INPP5B: variants seen among roughly 807,000 people sequenced by gnomAD.
INPP5B encodes the protein type II inositol 1,4,5-trisphosphate 5-phosphatase.
A neutral mutation model predicts 118.5 loss-of-function variants in INPP5B; 90 were observed. That is an observed-to-expected ratio of 0.76 (90% CI 0.64 to 0.90). The LOEUF is 0.90. Ranked by LOEUF, INPP5B falls within the 40% of genes least tolerant of loss-of-function variation. The pLI is 0.00. For synonymous variants in INPP5B, 385 were observed against 418.9 expected (o/e 0.92, Z 0.99); for missense variants, 984 against 1,125.6 (o/e 0.87, Z 1.80).
chr1:37,931,825 A>G (rs1345783568), intron 7 of INPP5B, 88 bp downstream of exon 7: 2 of 1,609,090 alleles, frequency 1.2e-6, no homozygotes, highest in Admixed American at 1.7e-5. Flanking sequence ...TGTCTTCTCC[A>G]TCGCTCCGCC....
At position 37,874,108 on chromosome 1, in the gene INPP5B, A is replaced by G; in HGVS notation, c.1836T>C (p.Phe612=). 6.2e-7 allele frequency: 1 copy of G among 1,600,048 alleles called. No individual in the cohort carries two copies. The highest frequency in any genetic ancestry group is 8.6e-7 in the Non-Finnish European group (1 of 1,169,544). ...AGGGTACTTGTCCATTATGAATTGT[A>G]AAGGATTCTACTTTCAATTGCATGT... The part of the protein sequence containing the change: ...VKYMQLKVES[F]TIHNGQVPCH... Residue 612 remains phenylalanine (F), a synonymous_variant, in exon 18 of 24, where the codon TTT becomes TTC. Coordinates refer to ENST00000373024, the MANE Select transcript of INPP5B (RefSeq NM_005540.3).
intron 6 of INPP5B, among the ~76,000 whole-genome samples, chr1:37,938,744 T>C (rs1035682419): frequency 1.3e-5 from 2 of 152,198 alleles, no homozygotes; most frequent in Non-Finnish European, 2.9e-5. Flanking sequence ...AGAGATAAAT[T>C]TCCCCCTGCT....
At chr1:37,914,631 A>G (rs142123754) in intron 7 of INPP5B, among the ~76,000 whole-genome samples, 2 of 152,220 alleles carry the variant, frequency 1.3e-5, no homozygotes, top group East Asian at 3.9e-4. Context: ...CTACAAACTC[A>G]TCCTTCAAGA....
rs115399195 is a variant in INPP5B, at chr1:37,866,138, C to G, written c.2387-250G>C. On this transcript the variant is annotated intron_variant, in intron 21 of 23. Coordinates refer to ENST00000373024, the MANE Select transcript of INPP5B (RefSeq NM_005540.3). ...GCAACATGGCGAAACCCTGCCTCTA[C>G]GAAAAGTTCAAAAATTAGCCAAGTG... 9.3e-3 allele frequency among the ~76,000 whole-genome samples: 1,419 copies of G among 152,162 alleles called. 20 individuals are homozygous for G. Among genetic ancestry groups the G allele is most frequent in the African/African-American group, 0.032 (1,334 of 41,504 alleles).
At chr1:37,943,453 C>T (rs1318067482) in intron 5 of INPP5B, among the ~76,000 whole-genome samples, 187 bp downstream of exon 5, 9 of 151,862 alleles carry the variant, frequency 5.9e-5, no homozygotes, top group Non-Finnish European at 8.8e-5. Flanking sequence ...TCGGGGGAGA[C>T]GGAAACAGCA....
At chr1:37,864,453 T>C in intron 22 of INPP5B, 30 bp from the exon 23 acceptor site, 1 of 1,302,634 alleles carries the variant, frequency 7.7e-7, no homozygotes, top group Non-Finnish European at 1.1e-6. Flanking sequence ...GATTTGTCTT[T>C]TGTTCACTGA....
At chr1:37,866,610 G>A (rs1557615627) in intron 20 of INPP5B, 67 bp from the exon 21 acceptor site, 2 of 949,200 alleles carry the variant, frequency 2.1e-6, no homozygotes, top group South Asian at 2.7e-5. Flanking sequence ...TTCCTGACCT[G>A]GCAATATCAA....
At position 37,895,961 on chromosome 1, in the gene INPP5B, C is replaced by T. The variant is rs1324970916; in HGVS notation, c.533-4507G>A. On this transcript the variant is annotated intron_variant, in intron 7 of 23. Coordinates refer to ENST00000373024, the MANE Select transcript of INPP5B (RefSeq NM_005540.3). Reference sequence around the variant, plus strand: ...CCGTCTGGGAAGTGAGGAGCGTCTCCGCCTGGCCGCCCATCGTCTGGGATG... The same window carrying T: ...CCGTCTGGGAAGTGAGGAGCGTCTCTGCCTGGCCGCCCATCGTCTGGGATG... Among the ~76,000 whole-genome samples the T allele has an allele frequency of 2.0e-3, 306 of 150,844 alleles. 2 individuals carry two copies. Among genetic ancestry groups the T allele is most frequent in the African/African-American group, 7.0e-3 (287 of 41,030 alleles).
At chr1:37,867,016 G>A (rs145527060) in intron 20 of INPP5B, among the ~76,000 whole-genome samples, 175 of 152,232 alleles carry the variant, frequency 1.1e-3, no homozygotes, top group African/African-American at 4.0e-3. Flanking sequence ...GGTGGATCAC[G>A]AGGTCAGGAG....
At chr1:37,921,268 C>T (rs1475631583) in intron 7 of INPP5B, among the ~76,000 whole-genome samples, 1 of 152,110 alleles carries the variant, frequency 6.6e-6, no homozygotes, top group Non-Finnish European at 1.5e-5. Context: ...ACTTCAAACG[C>T]CATGTAGAGT....
chr1:37,946,868 T>A (rs1308072752), intron 1 of INPP5B, 122 bp downstream of exon 1: 1 of 153,346 alleles, frequency 6.5e-6, no homozygotes. Context: ...GCCCATTGCA[T>A]CAGCTGCAGG....
Position 37,868,475 on chromosome 1 carries a change from G to T in INPP5B, c.2301+26C>A. The T allele has an allele frequency of 2.0e-6, 3 of 1,513,336 alleles. No individual in the cohort carries two copies. The African/African-American group carries it at 4.1e-5, about 21-fold the overall frequency. The allele number at this position is 1,513,336 out of a possible 1,614,324, so 93.7% of individuals were successfully genotyped here. A position where few individuals can be genotyped will look rare whatever the true frequency, so the allele number is the denominator to read the frequency against. On this transcript the variant is annotated intron_variant, in intron 20 of 23. Transcript: ENST00000373024. ...CCTCAAGGCAGCCTGGCCTCAATCAGGTCTGAATGCTTAAACACAACCTAC... is the reference window on the plus strand; with the variant it reads ...CCTCAAGGCAGCCTGGCCTCAATCATGTCTGAATGCTTAAACACAACCTAC...
chr1:37,881,378 T>C (rs1294659425), intron 14 of INPP5B, among the ~76,000 whole-genome samples: 1 of 152,154 alleles, frequency 6.6e-6, no homozygotes, highest in African/African-American at 2.4e-5. Context: ...AGGAGCGCCT[T>C]CCAGATCACA....
At chr1:37,897,033 C>T (rs1223694514) in intron 7 of INPP5B, among the ~76,000 whole-genome samples, 1 of 141,214 alleles carries the variant, frequency 7.1e-6, no homozygotes, top group Non-Finnish European at 1.5e-5. Context: ...AGGTGAGGGG[C>T]ACCTCTGCCC....
chr1:37,917,308 TTATATATATATATATATATA>T (rs368327131), intron 7 of INPP5B, among the ~76,000 whole-genome samples: 3 of 92,796 alleles, frequency 3.2e-5, no homozygotes, highest in Non-Finnish European at 6.1e-5. Context: ...AAAAAAATAA[TTATATATATATATATATATA>T]TATATATATA....
At chr1:37,884,217 C>T (rs984248736) in intron 13 of INPP5B, 8 of 152,088 alleles carry the variant, frequency 5.3e-5, no homozygotes, top group Admixed American at 1.3e-4. Context: ...TAAAATAAAT[C>T]TTTAAAAAAA....
intron 6 of INPP5B, among the ~76,000 whole-genome samples, chr1:37,932,568 C>T (rs931062787): frequency 4.6e-5 from 7 of 151,962 alleles, no homozygotes; most frequent in African/African-American, 1.7e-4. Flanking sequence ...GGGGTTTCAC[C>T]GTATTAGCCA....
chr1:37,906,768 G>A (rs1331854827), intron 7 of INPP5B, among the ~76,000 whole-genome samples: 1 of 151,716 alleles, frequency 6.6e-6, no homozygotes, highest in Non-Finnish European at 1.5e-5. Context: ...GTTGAGACAG[G>A]AGGATTGCCT....
At chr1:37,882,729 G>T in intron 14 of INPP5B, 78 bp downstream of exon 14, 3 of 1,085,940 alleles carry the variant, frequency 2.8e-6, no homozygotes, top group Non-Finnish European at 2.8e-6. Context: ...AAGAGGCTGC[G>T]AGTTTGGAAG....
Sources: allele counts gnomAD v4.1 joint callset (sites outside exome capture counted in the v4.1 genomes callset), GRCh38; gene constraint gnomAD v4.1.1; transcripts MANE v1.5; gene names NCBI Gene and HGNC (gene_info 2026-07-23, HGNC 2026-07-21).